Variants in ANKDD1A observed in about 807,000 individuals in gnomAD.
ANKDD1A encodes ankyrin repeat and death domain-containing protein 1A.
Under a neutral mutation model 63.5 loss-of-function variants are expected in ANKDD1A, and 59 were observed. That is an observed-to-expected ratio of 0.93 (90% CI 0.75 to 1.15). The LOEUF is 1.15. Ranked by LOEUF, ANKDD1A falls within the 50% of genes most tolerant of loss-of-function variation. The pLI is 0.00. For missense variants in ANKDD1A, 632 were observed against 656.4 expected (o/e 0.96, Z 0.41); for synonymous variants, 266 against 263.9 (o/e 1.01, Z -0.08).
intron 14 of ANKDD1A, among the ~76,000 whole-genome samples, chr15:64,952,257 C>T (rs1265881752): frequency 6.8e-6 from 1 of 147,850 alleles, no homozygotes; most frequent in African/African-American, 2.5e-5. Flanking sequence ...TCTTCTCCTT[C>T]TTCCTTCTCC....
chr15:64,921,877 G>T (rs746468585), intron 3 of ANKDD1A, 44 bp from the exon 4 acceptor site: 1 of 1,578,232 alleles, frequency 6.3e-7, no homozygotes, highest in Non-Finnish European at 8.7e-7. Context: ...GCACAGCCAC[G>T]CCTTCCCACA....
chr15:64,939,878 A>C (rs2140377439), intron 9 of ANKDD1A, among the ~76,000 whole-genome samples: 1 of 152,354 alleles, frequency 6.6e-6, no homozygotes, highest in East Asian at 1.9e-4. Flanking sequence ...GTGTAAAACT[A>C]TAAAGCTTTT....
At chr15:64,942,849 T>C (rs2085195449) in intron 10 of ANKDD1A, among the ~76,000 whole-genome samples, 1 of 152,218 alleles carries the variant, frequency 6.6e-6, no homozygotes, top group South Asian at 2.1e-4. Flanking sequence ...TTGCTTTTTT[T>C]CCTTAGGGAA....
intron 11 of ANKDD1A, 90 bp downstream of exon 11, chr15:64,943,672 T>C (rs1176458493): frequency 1.2e-5 from 14 of 1,195,730 alleles, no homozygotes; most frequent in African/African-American, 1.5e-5. Flanking sequence ...CCCTCCTCCT[T>C]CTCAGGGTGT....
At chr15:64,950,727 C>CGGGGGGGG in intron 14 of ANKDD1A, 1 of 424,974 alleles carries the variant, frequency 2.4e-6, no homozygotes, top group Non-Finnish European at 2.6e-6. Flanking sequence ...AAAGAAAGGA[C>CGGGGGGGG]CGCCCCCCCC....
rs750401966 is a variant in ANKDD1A at position 64,944,758 on chromosome 15, C to G, written c.1161+11C>G. 3 of 1,612,896 alleles carry G rather than the reference C, an allele frequency of 1.9e-6. No individual in the cohort carries two copies. The highest frequency in any genetic ancestry group is 4.5e-5 in the East Asian group (2 of 44,854). On this transcript the variant is annotated intron_variant, in intron 12 of 14. Coordinates refer to ENST00000319580, the MANE Select transcript of ANKDD1A (RefSeq NM_182703.6). ...TACAGATGGGAGAAGGTACGGAGGC[C>G]TCACGCTTGATCTTTCCTCATTGGA...
intron 3 of ANKDD1A, among the ~76,000 whole-genome samples, chr15:64,917,864 G>T (rs1025552769): frequency 9.2e-5 from 14 of 152,234 alleles, no homozygotes; most frequent in Admixed American, 5.9e-4. Context: ...ATGCCACAGG[G>T]CTCTGCCCTG....
At chr15:64,953,860 TTCCTCTTTCTTCTTCATTC>T (rs2085363371) in intron 14 of ANKDD1A, among the ~76,000 whole-genome samples, 5 of 131,852 alleles carry the variant, frequency 3.8e-5, no homozygotes, top group South Asian at 4.7e-4. Context: ...TTTCCTCTTC[TTCCTCTTTCTTCTTCATTC>T]TTTCTTCTTC....
rs111207608 is a variant in ANKDD1A, at chr15:64,951,727, C to T, written c.1483+1755C>T. 5.3e-3 allele frequency among the ~76,000 whole-genome samples: 738 copies of T among 138,114 alleles called. 7 individuals carry two copies. Among genetic ancestry groups the T allele is most frequent in the Non-Finnish European group, 9.0e-3 (572 of 63,846 alleles). The allele number at this position is 138,114 out of a possible 152,430, so 90.6% of individuals were successfully genotyped here. A position where few individuals can be genotyped will look rare whatever the true frequency, so the allele number is the denominator to read the frequency against. ...CCTTATTTTCTTTTTCTTCCCTTTT[C>T]TTCTTTCCTCCTTCTTCCTCTTCTT... is the stretch of plus-strand genomic sequence containing the variant. On this transcript the variant is annotated intron_variant, in intron 14 of 14. Coordinates refer to ENST00000319580, the MANE Select transcript of ANKDD1A (RefSeq NM_182703.6).
intron 14 of ANKDD1A, among the ~76,000 whole-genome samples, chr15:64,954,631 CTT>C (rs2085392532): frequency 5.8e-5 from 1 of 17,098 alleles, no homozygotes; most frequent in African/African-American, 8.3e-5. Context: ...TTTCTTCTTC[CTT>C]TTCTTCTTCC....
chr15:64,954,747 C>CT (rs1555398108), intron 14 of ANKDD1A, among the ~76,000 whole-genome samples: 27 of 119,008 alleles, frequency 2.3e-4, no homozygotes, highest in East Asian at 1.3e-3. Flanking sequence ...CCTTCTCCTT[C>CT]TTCTTTCTTT....
intron 14 of ANKDD1A, chr15:64,950,450 CAGT>C: frequency 1.0e-6 from 1 of 985,332 alleles, no homozygotes; most frequent in Non-Finnish European, 1.2e-6. Flanking sequence ...ATATGGGATT[CAGT>C]GTTCTGTGGA....
intron 14 of ANKDD1A, among the ~76,000 whole-genome samples, chr15:64,954,022 T>TTC (rs2085370385): frequency 3.3e-5 from 1 of 30,380 alleles, no homozygotes; most frequent in Non-Finnish European, 8.0e-5. Flanking sequence ...TTCTTTCCTC[T>TTC]TCTTTTCTTT....
At chr15:64,940,442 A>AT (rs1555442483) in intron 9 of ANKDD1A, among the ~76,000 whole-genome samples, 1 of 149,066 alleles carries the variant, frequency 6.7e-6, no homozygotes, top group African/African-American at 2.5e-5. Flanking sequence ...ATATATAGAT[A>AT]TTTTTTTTGA....
intron 4 of ANKDD1A, 64 bp from the exon 5 acceptor site, chr15:64,926,002 C>T: frequency 1.4e-6 from 2 of 1,440,754 alleles, no homozygotes; most frequent in Non-Finnish European, 1.9e-6. Flanking sequence ...GTTTGGGAGA[C>T]TGGCAGTGTG....
At chr15:64,953,459 CCTTCTTCTT>C (rs797030479) in intron 14 of ANKDD1A, among the ~76,000 whole-genome samples, 4 of 116,644 alleles carry the variant, frequency 3.4e-5, no homozygotes, top group Admixed American at 8.2e-5. Flanking sequence ...TTTCTTCTCT[CCTTCTTCTT>C]CTTCCTCTTC....
At chr15:64,929,197 A>G (rs1467984403) in intron 6 of ANKDD1A, among the ~76,000 whole-genome samples, 1 of 152,086 alleles carries the variant, frequency 6.6e-6, no homozygotes, top group African/African-American at 2.4e-5. Flanking sequence ...TTTTTGAGAC[A>G]AGATCTTACT....
intron 1 of ANKDD1A, among the ~76,000 whole-genome samples, chr15:64,915,565 G>A (rs2084962676): frequency 6.6e-6 from 1 of 152,178 alleles, no homozygotes; most frequent in Non-Finnish European, 1.5e-5. Context: ...CATCTTCAGG[G>A]TTTCACCACG....
At chr15:64,937,454 C>T (rs1004156371) in intron 9 of ANKDD1A, among the ~76,000 whole-genome samples, 7 of 152,014 alleles carry the variant, frequency 4.6e-5, no homozygotes, top group East Asian at 3.9e-4. Context: ...GACGGCCGGG[C>T]GCAGTGGCTC....
Sources: allele counts gnomAD v4.1 joint callset (sites outside exome capture counted in the v4.1 genomes callset), GRCh38; gene constraint gnomAD v4.1.1; transcripts MANE v1.5; gene names NCBI Gene and HGNC (gene_info 2026-07-23, HGNC 2026-07-21).